LPA: variants seen among roughly 807,000 people sequenced by gnomAD.
The protein encoded by LPA is apolipoprotein(a).
LPA carries 199 observed loss-of-function variants against 197.9 expected under a neutral mutation model. The observed-to-expected ratio is 1.01, with a 90% confidence interval of 0.90 to 1.13. The LOEUF (loss-of-function observed/expected upper bound fraction) is 1.13, where lower values mean the gene tolerates loss of function less well. Among genes scored for constraint, LPA ranks in the 50% most tolerant of loss-of-function variants. The pLI, the probability that LPA is intolerant of heterozygous loss-of-function variation, is 0.00. For synonymous variants in LPA, 715 were observed against 639.5 expected, an observed-to-expected ratio of 1.12 and a Z score of -1.78; for missense variants, 1,853 against 1,785.8, an observed-to-expected ratio of 1.04 and a Z score of -0.68.
chr6:160,651,567 G>A (rs1307087973), intron 1 of LPA, among the ~76,000 whole-genome samples: 1 of 152,160 alleles, frequency 6.6e-6, no homozygotes, highest in Non-Finnish European at 1.5e-5. Context: ...CCATTTCAAA[G>A]CATAAATAAT....
intron 32 of LPA, among the ~76,000 whole-genome samples, chr6:160,546,995 A>C (rs1206519986): frequency 1.3e-5 from 2 of 152,166 alleles, no homozygotes; most frequent in African/African-American, 4.8e-5. Flanking sequence ...AACCCAGAGC[A>C]GTGTGGTTCC....
rs764431222 is a variant in LPA, at chr6:160,606,658, A to C, written c.2604T>G (p.Ala868=). Reference sequence around the variant, plus strand: ...TCCTGCAGTAGTTCATGATCAAGCCACTGGAAATTCCAAAACGATACACGT... The same window carrying C: ...TCCTGCAGTAGTTCATGATCAAGCCCCTGGAAATTCCAAAACGATACACGT... ...HSRTPEYYPN[A]GLIMNYCRNP... The change falls in exon 17 of 39, where the codon GCT becomes GCG. Residue 868 remains alanine (A), a splice_region_variant and synonymous_variant. Transcript: ENST00000316300. 6.2e-7 allele frequency: 1 copy of C among 1,613,992 alleles called. No individual in the cohort carries two copies. Among genetic ancestry groups the C allele is most frequent in the Non-Finnish European group, 8.5e-7 (1 of 1,179,924 alleles).
chr6:160,579,176 G>C (rs1180023306), intron 26 of LPA, among the ~76,000 whole-genome samples: 1 of 151,840 alleles, frequency 6.6e-6, no homozygotes, highest in African/African-American at 2.4e-5. Flanking sequence ...GGAAGAAGTG[G>C]CATCCAAGAT....
chr6:160,540,826 G>T (rs1484919211), intron 35 of LPA, among the ~76,000 whole-genome samples: 1 of 152,194 alleles, frequency 6.6e-6, no homozygotes. Context: ...GTAGTGAACA[G>T]CTCTGTCCTG....
chr6:160,531,976 A>G, intron 38 of LPA, 86 bp from the exon 39 acceptor site: 2 of 1,447,170 alleles, frequency 1.4e-6, no homozygotes, highest in Non-Finnish European at 1.9e-6. Flanking sequence ...ATCCATATGT[A>G]CATTTTCCCA....
chr6:160,572,602 T>A (rs1227930615), intron 28 of LPA, among the ~76,000 whole-genome samples: 1 of 152,230 alleles, frequency 6.6e-6, no homozygotes, highest in Non-Finnish European at 1.5e-5. Context: ...GGTGACTTGG[T>A]AATGGTGAAT....
intron 30 of LPA, among the ~76,000 whole-genome samples, chr6:160,553,905 T>TTC (rs962607479): frequency 7.0e-6 from 1 of 141,992 alleles, no homozygotes; most frequent in Non-Finnish European, 1.6e-5. Flanking sequence ...TTTTCAGCCT[T>TTC]TCTCTCTCTC....
At chr6:160,606,023 A>G (rs1193541896) in intron 17 of LPA, among the ~76,000 whole-genome samples, 1 of 152,134 alleles carries the variant, frequency 6.6e-6, no homozygotes, top group Non-Finnish European at 1.5e-5. Context: ...TTTGGAATTA[A>G]TGCAACCCTG....
chr6:160,585,149 A>G lies in LPA; in HGVS notation c.4186T>C (p.Tyr1396His). The change falls in exon 26 of 39, where the codon TAT (tyrosine) becomes CAT (histidine). Residue 1396 changes from tyrosine (Y) to histidine (H), a missense_variant. By Grantham distance (83) the Tyr-to-His change is moderately conservative. This residue lies in a region of LPA where 1,737 missense variants were observed against 1,504.4 expected (regional missense o/e 1.15). Coordinates refer to ENST00000316300, the MANE Select transcript of LPA (RefSeq NM_005577.4). The stretch of plus-strand genomic sequence containing the variant: ...ATAGTGGTGGAGAGTGTGCCTCGAT[A>G]ACTCTGTCCATCACCTCGGTAGCAG... ...QDCYRGDGQS[Y>H]RGTLSTTITG... 1 of 1,613,408 alleles carries G rather than the reference A, an allele frequency of 6.2e-7. No individual in the cohort carries two copies. Among genetic ancestry groups the G allele is most frequent in the Non-Finnish European group, 8.5e-7 (1 of 1,179,822 alleles).
At chr6:160,549,123 ACT>A (rs993008062) in intron 30 of LPA, among the ~76,000 whole-genome samples, 3 of 151,786 alleles carry the variant, frequency 2.0e-5, no homozygotes, top group African/African-American at 7.3e-5. Context: ...ATCTCAGGAG[ACT>A]CTCTCACTGT....
At chr6:160,584,507 T>C (rs1778869566) in intron 26 of LPA, among the ~76,000 whole-genome samples, 1 of 151,826 alleles carries the variant, frequency 6.6e-6, no homozygotes, top group African/African-American at 2.4e-5. Context: ...AATTTTTTAA[T>C]TTTTCGTAGA....
intron 7 of LPA, 50 bp downstream of exon 7, chr6:160,635,073 T>C (rs1282559795): frequency 9.1e-7 from 1 of 1,101,678 alleles, no homozygotes; most frequent in East Asian, 2.3e-5. Flanking sequence ...TTTCCATGGC[T>C]TTTCATCCCA....
rs370130400 is a variant in LPA at position 160,585,074 on chromosome 6, G to A, written c.4261C>T (p.Arg1421Trp). ...SWSSMTPHWH[R>W]RIPLYYPNAG... is the part of the protein sequence containing the mutation. The stretch of plus-strand genomic sequence containing the variant: ...TTTGGATAGTATAATGGGATCCTCC[G>A]ATGCCAATGTGGTGTCATAGACGAC... Residue 1421 changes from arginine to tryptophan, a missense_variant, in exon 26 of 39, where the codon CGG becomes TGG. Coordinates refer to ENST00000316300, the MANE Select transcript of LPA (RefSeq NM_005577.4). 82 of 1,613,734 alleles carry A rather than the reference G, an allele frequency of 5.1e-5. No homozygotes were observed. In the African/African-American group the frequency reaches 5.6e-4, roughly 11 times the overall value.
chr6:160,590,259 C>T (rs539743642), intron 23 of LPA, among the ~76,000 whole-genome samples: 9 of 152,228 alleles, frequency 5.9e-5, no homozygotes, highest in African/African-American at 1.2e-4. Context: ...GGAGGGACGG[C>T]GGGAAATCTT....
intron 28 of LPA, among the ~76,000 whole-genome samples, chr6:160,564,760 T>C (rs1252247522): frequency 6.6e-6 from 1 of 152,126 alleles, no homozygotes; most frequent in East Asian, 1.9e-4. Context: ...AGGGAAGCCA[T>C]GACAGATGTA....
At chr6:160,590,891 C>T in intron 23 of LPA, 53 bp downstream of exon 23, 14 of 1,612,064 alleles carry the variant, frequency 8.7e-6, no homozygotes, top group Non-Finnish European at 1.1e-5. Context: ...GATTTTGCAA[C>T]TCTTTTTATC....
intron 28 of LPA, among the ~76,000 whole-genome samples, chr6:160,560,873 G>T (rs539323096): frequency 2.0e-5 from 3 of 151,962 alleles, no homozygotes; most frequent in Non-Finnish European, 4.4e-5. Context: ...TGTCCTGAAT[G>T]GTATTGCCTA....
intron 24 of LPA, 56 bp from the exon 25 acceptor site, chr6:160,586,686 C>T: frequency 1.2e-6 from 2 of 1,610,600 alleles, no homozygotes; most frequent in South Asian, 1.1e-5. Context: ...ACAGCACCAC[C>T]TGGCACCCTC....
chr6:160,604,644 T>C (rs558877956), intron 18 of LPA, among the ~76,000 whole-genome samples: 8 of 152,158 alleles, frequency 5.3e-5, no homozygotes, highest in Non-Finnish European at 8.8e-5. Flanking sequence ...ACATATATAC[T>C]TTCCTTGTAA....
Sources: gnomAD v4.1 joint callset for allele counts (sites outside exome capture counted in the v4.1 genomes callset) on GRCh38, gnomAD v4.1.1 for gene constraint, gnomAD v4.1.1 regional missense constraint, MANE v1.5 for transcripts, NCBI Gene and HGNC (gene_info 2026-07-23, HGNC 2026-07-21) for gene names.